GALNT12: variants seen among roughly 807,000 people sequenced by gnomAD.
GALNT12 encodes UDP-GalNAc:polypeptide N-acetylgalactosaminyltransferase 12.
In GALNT12, 45 loss-of-function variants were observed where a neutral mutation model predicts 55.5. That is an observed-to-expected ratio of 0.81 (90% CI 0.64 to 1.04). The LOEUF is 1.04. GALNT12 is among the 50% of genes least tolerant of loss of function. GALNT12 has a pLI of 0.00. For missense variants in GALNT12, 709 were observed against 754.8 expected (o/e 0.94, Z 0.71); for synonymous variants, 304 against 312.2 (o/e 0.97, Z 0.28).
At chr9:98,836,462 C>T (rs1157907213) in intron 5 of GALNT12, among the ~76,000 whole-genome samples, 1 of 152,162 alleles carries the variant, frequency 6.6e-6, no homozygotes, top group East Asian at 1.9e-4. Context: ...CTGTCAGTCC[C>T]AGTGTGAGAT....
At chr9:98,817,969 C>T (rs1440683287) in intron 1 of GALNT12, among the ~76,000 whole-genome samples, 1 of 152,086 alleles carries the variant, frequency 6.6e-6, no homozygotes, top group Non-Finnish European at 1.5e-5. Context: ...GACACACCAG[C>T]ATAACAAACT....
intron 7 of GALNT12, among the ~76,000 whole-genome samples, chr9:98,842,972 A>G (rs1162772997): frequency 6.6e-6 from 1 of 152,128 alleles, no homozygotes; most frequent in Admixed American, 6.5e-5. Context: ...GCATATCTCA[A>G]TTTGGATTAG....
At position 98,807,711 on chromosome 9, in the gene GALNT12, ACGGCGCGGCGGCGCTGCCCGCGGGAACTG is replaced by A; in HGVS notation, c.23_51del (p.Arg8ProfsTer87). ...AGTTGGCGGGCGCATGTGGGGGCGC[ACGGCGCGGCGGCGCTGCCCGCGGGAACTG>A]CGGCGCGGCCGGGAGGCGCTGTTGG... On this transcript the variant is annotated frameshift_variant, in exon 1 of 10. Coordinates refer to ENST00000375011, the MANE Select transcript of GALNT12 (RefSeq NM_024642.5). LOFTEE classifies it high-confidence loss of function. The A allele has an allele frequency of 8.6e-7, 1 of 1,157,638 alleles. No homozygotes were observed. The highest frequency in any genetic ancestry group is 4.8e-5 in the East Asian group (1 of 20,776). 71.7% of individuals were successfully genotyped at this position (1,157,638 alleles called of 1,614,324 possible).
intron 7 of GALNT12, among the ~76,000 whole-genome samples, chr9:98,841,060 A>G (rs1836274953): frequency 6.6e-6 from 1 of 152,206 alleles, no homozygotes; most frequent in South Asian, 2.1e-4. Context: ...TCGAATTGGG[A>G]TCCAAACAAG....
Position 98,808,945 on chromosome 9 carries a change from G to A in GALNT12, c.371+876G>A, listed in dbSNP as rs146777597. On this transcript the variant is annotated intron_variant, in intron 1 of 9. Coordinates refer to ENST00000375011, the MANE Select transcript of GALNT12 (RefSeq NM_024642.5). The stretch of plus-strand genomic sequence containing the variant: ...TTGAGGAAAAGAGGACTCAGAGAGG[G>A]GGTTCCCATTGGAGCTGGTGGTGGC... Among the ~76,000 whole-genome samples, 8 of 152,344 alleles carry A rather than the reference G, an allele frequency of 5.3e-5. No individual in the cohort carries two copies. The East Asian group carries it at 1.5e-3, about 29-fold the overall frequency.
intron 7 of GALNT12, among the ~76,000 whole-genome samples, chr9:98,842,550 TG>T (rs1836316172): frequency 2.6e-5 from 4 of 152,196 alleles, no homozygotes; most frequent in Non-Finnish European, 5.9e-5. Flanking sequence ...CCCTTTATTT[TG>T]GCTTCTGAGG....
intron 1 of GALNT12, among the ~76,000 whole-genome samples, chr9:98,818,001 TCCACCCATTATTGTTTTGGC>T (rs1564248477): frequency 6.6e-6 from 1 of 152,198 alleles, no homozygotes; most frequent in Non-Finnish European, 1.5e-5. Flanking sequence ...TCCACCTAGA[TCCACCCATTATTGTTTTGGC>T]CCATTTAATC....
intron 1 of GALNT12, among the ~76,000 whole-genome samples, chr9:98,819,696 G>A (rs567979158): frequency 2.6e-4 from 40 of 152,284 alleles, no homozygotes; most frequent in African/African-American, 9.6e-4. Flanking sequence ...TGGACCCCGA[G>A]AAGGAGAAGA....
chr9:98,838,087 C>T (rs577397164), intron 6 of GALNT12, among the ~76,000 whole-genome samples: 3 of 152,292 alleles, frequency 2.0e-5, no homozygotes, highest in African/African-American at 4.8e-5. Context: ...CAGTTCTTTA[C>T]CTTAAAGCTA....
At chr9:98,845,039 T>A (rs1836380621) in intron 8 of GALNT12, among the ~76,000 whole-genome samples, 1 of 152,166 alleles carries the variant, frequency 6.6e-6, no homozygotes, top group Admixed American at 6.5e-5. Context: ...GAGGCCTTCT[T>A]ATGGTCAAGA....
intron 3 of GALNT12, among the ~76,000 whole-genome samples, chr9:98,831,253 A>G (rs1835985674): frequency 6.6e-6 from 1 of 152,252 alleles, no homozygotes; most frequent in Non-Finnish European, 1.5e-5. Context: ...AAGTCCTCAC[A>G]TTAACCCTCT....
At chr9:98,809,069 C>CG (rs1835438503) in intron 1 of GALNT12, among the ~76,000 whole-genome samples, 1 of 152,166 alleles carries the variant, frequency 6.6e-6, no homozygotes, top group Non-Finnish European at 1.5e-5. Flanking sequence ...AGGTGACCCA[C>CG]CCAAGGCCCC....
intron 5 of GALNT12, among the ~76,000 whole-genome samples, chr9:98,835,681 T>C (rs1037816808): frequency 6.6e-6 from 1 of 152,126 alleles, no homozygotes; most frequent in Non-Finnish European, 1.5e-5. Context: ...TAATTCCTTA[T>C]GAAGTGGCCT....
chr9:98,843,717 C>A (rs1836349474), intron 7 of GALNT12, among the ~76,000 whole-genome samples: 1 of 152,146 alleles, frequency 6.6e-6, no homozygotes, highest in Non-Finnish European at 1.5e-5. Context: ...TAAAATAATT[C>A]TTTCTTTGTG....
intron 7 of GALNT12, among the ~76,000 whole-genome samples, chr9:98,840,643 A>T (rs914104271): frequency 2.6e-5 from 4 of 152,188 alleles, no homozygotes; most frequent in African/African-American, 9.7e-5. Context: ...TGATGTGTTG[A>T]TCAGAAGTGC....
chr9:98,840,229 G>A (rs2118471490), intron 7 of GALNT12, 96 bp downstream of exon 7: 5 of 1,497,050 alleles, frequency 3.3e-6, no homozygotes, highest in Non-Finnish European at 4.6e-6. Context: ...GTCATGGGGA[G>A]CACTGGCTTC....
At chr9:98,848,579 A>G (rs1836471826) in intron 9 of GALNT12, among the ~76,000 whole-genome samples, 1 of 152,206 alleles carries the variant, frequency 6.6e-6, no homozygotes, top group Admixed American at 6.5e-5. Flanking sequence ...CTGTTTAAAT[A>G]CCTAAGAGAA....
chr9:98,815,837 G>C (rs751596535), intron 1 of GALNT12, among the ~76,000 whole-genome samples: 1 of 152,152 alleles, frequency 6.6e-6, no homozygotes, highest in Non-Finnish European at 1.5e-5. Flanking sequence ...GCGTGAACGC[G>C]CTCACATACA....
At chr9:98,818,228 ATT>A (rs879722375) in intron 1 of GALNT12, among the ~76,000 whole-genome samples, 6 of 144,602 alleles carry the variant, frequency 4.1e-5, no homozygotes, top group Non-Finnish European at 1.5e-5. Flanking sequence ...CCAACTTATT[ATT>A]TTTTTTTTTT....
Sources: gnomAD v4.1 joint callset for allele counts (sites outside exome capture counted in the v4.1 genomes callset) on GRCh38, gnomAD v4.1.1 for gene constraint, MANE v1.5 for transcripts, NCBI Gene and HGNC (gene_info 2026-07-23, HGNC 2026-07-21) for gene names.